Variants in ZFHX3 observed in about 807,000 individuals in gnomAD.
The protein encoded by ZFHX3 is zinc finger homeobox 3, also known as zinc finger homeobox protein 3.
In ZFHX3, 42 loss-of-function variants were observed where a neutral mutation model predicts 279.1. That is an observed-to-expected ratio of 0.15 (90% CI 0.12 to 0.19). ZFHX3 has a LOEUF of 0.19. Among genes scored for constraint, ZFHX3 ranks in the 10% least tolerant of loss-of-function variants. The pLI, the probability that ZFHX3 is intolerant of heterozygous loss-of-function variation, is 1.00. For missense variants in ZFHX3, 4,981 were observed against 4,754.0 expected, an observed-to-expected ratio of 1.05 and a Z score of -1.40; for synonymous variants, 2,293 against 1,957.8, an observed-to-expected ratio of 1.17 and a Z score of -4.52.
chr16:72,826,549 G>T (rs1287579366), intron 5 of ZFHX3, among the ~76,000 whole-genome samples: 1 of 152,066 alleles, frequency 6.6e-6, no homozygotes, highest in Non-Finnish European at 1.5e-5. Flanking sequence ...CTCAGAGGAG[G>T]TTGCTGGCAC....
Position 73,736,127 on chromosome 16 carries a change from C to T in ZFHX3, c.-1607-55887G>A, listed in dbSNP as rs534944979. On this transcript the variant is annotated intron_variant, in intron 1 of 17. Transcript: ENST00000641206. Reference sequence around the variant, plus strand: ...CATCTTTTCTTTCAGGTCACCATGACATTGAGGTCAGAAATGGTCAGAGAC... The same window carrying T: ...CATCTTTTCTTTCAGGTCACCATGATATTGAGGTCAGAAATGGTCAGAGAC... Among the ~76,000 whole-genome samples, 3 of 152,262 alleles carry T rather than the reference C, an allele frequency of 2.0e-5. No homozygotes were observed. The South Asian group carries it at 6.2e-4, about 32-fold the overall frequency.
chr16:73,557,165 A>G (rs2020299994), intron 2 of ZFHX3, among the ~76,000 whole-genome samples: 3 of 148,326 alleles, frequency 2.0e-5, no homozygotes, highest in Admixed American at 6.7e-5. Context: ...GACAGGCAGG[A>G]TGAATGAGGC....
intron 4 of ZFHX3, among the ~76,000 whole-genome samples, chr16:73,307,677 T>A (rs2015213939): frequency 6.6e-6 from 1 of 152,184 alleles, no homozygotes; most frequent in South Asian, 2.1e-4. Context: ...CTTGGCCAAC[T>A]TTCCTTCTCT....
At chr16:73,525,783 C>T (rs1250214511) in intron 2 of ZFHX3, among the ~76,000 whole-genome samples, 3 of 152,176 alleles carry the variant, frequency 2.0e-5, no homozygotes, top group Non-Finnish European at 4.4e-5. Flanking sequence ...CCCTTGCAAC[C>T]TTTTAATATT....
At chr16:72,808,672 GAGGAA>G (rs1280208026) in intron 7 of ZFHX3, among the ~76,000 whole-genome samples, 2 of 152,188 alleles carry the variant, frequency 1.3e-5, no homozygotes, top group Non-Finnish European at 2.9e-5. Flanking sequence ...GTGGAAAGAT[GAGGAA>G]CATAGAGGTT....
intron 2 of ZFHX3, among the ~76,000 whole-genome samples, chr16:73,530,769 C>T (rs539784701): frequency 1.3e-5 from 2 of 152,254 alleles, no homozygotes; most frequent in South Asian, 4.2e-4. Context: ...TGTTTGTGTG[C>T]TTATCTATAT....
intron 7 of ZFHX3, 44 bp downstream of exon 7, chr16:72,811,533 G>C (rs756648668): frequency 1.3e-6 from 2 of 1,504,302 alleles, no homozygotes; most frequent in South Asian, 1.3e-5. Flanking sequence ...CATCACCTTT[G>C]ACCCTGGAGA....
intron 5 of ZFHX3, among the ~76,000 whole-genome samples, chr16:73,146,431 G>GAA (rs199800717): frequency 6.4e-5 from 9 of 140,424 alleles, no homozygotes; most frequent in East Asian, 2.0e-4. Context: ...CATCTCAAAA[G>GAA]AAAAAAAAAA....
At chr16:73,143,765 G>A (rs1966853655) in exon 6 of ZFHX3, 2 of 1,305,456 alleles carry the variant, frequency 1.5e-6, no homozygotes, top group Non-Finnish European at 2.0e-6. Flanking sequence ...TCTAATTCCG[G>A]CAAAGCTGGA....
intron 3 of ZFHX3, among the ~76,000 whole-genome samples, chr16:72,921,069 C>CAA (rs57294537): frequency 0.076 from 1,792 of 23,526 alleles, 371 homozygotes; most frequent in African/African-American, 0.22. Flanking sequence ...CAGACCTTGT[C>CAA]AAAAAAAAAA....
intron 2 of ZFHX3, among the ~76,000 whole-genome samples, chr16:73,575,161 C>T (rs953751400): frequency 2.0e-5 from 3 of 152,178 alleles, no homozygotes; most frequent in Non-Finnish European, 2.9e-5. Flanking sequence ...CACCCCATAA[C>T]ATATTATGCA....
rs1967441319 is a variant in ZFHX3 at position 73,168,279 on chromosome 16, CGA to C, written c.-1103-24450_-1103-24449del. 1.7e-4 allele frequency among the ~76,000 whole-genome samples: 25 copies of C among 143,742 alleles called. 2 individuals carry two copies. Among genetic ancestry groups the C allele is most frequent in the African/African-American group, 5.3e-4 (20 of 38,068 alleles). The allele number at this position is 143,742 out of a possible 152,430, so 94.3% of individuals were successfully genotyped here. On this transcript the variant is annotated intron_variant, in intron 5 of 17. Coordinates refer to the ZFHX3 transcript ENST00000641206. Reference sequence around the variant, plus strand: ...TCTTTCTTTCTTTCTTTCTTTCTTTCGAGACAAAGTCTCACTCTGTCATCCAC... The same window carrying C: ...TCTTTCTTTCTTTCTTTCTTTCTTTCGACAAAGTCTCACTCTGTCATCCAC...
chr16:72,874,659 G>GA (rs1292297564), intron 4 of ZFHX3, among the ~76,000 whole-genome samples: 2 of 151,816 alleles, frequency 1.3e-5, no homozygotes, highest in East Asian at 3.9e-4. Flanking sequence ...AAGGAAAAAT[G>GA]AAACCTCTTT....
chr16:73,145,344 G>A (rs964225506), intron 5 of ZFHX3, among the ~76,000 whole-genome samples: 18 of 152,158 alleles, frequency 1.2e-4, no homozygotes, highest in African/African-American at 4.3e-4. Flanking sequence ...CCAATGTCAG[G>A]GTCAGAGGTC....
intron 2 of ZFHX3, among the ~76,000 whole-genome samples, chr16:73,516,306 A>G (rs1255517408): frequency 6.6e-6 from 1 of 152,180 alleles, no homozygotes; most frequent in African/African-American, 2.4e-5. Flanking sequence ...TGTCCATAGA[A>G]CTGTAGAGTT....
intron 4 of ZFHX3, among the ~76,000 whole-genome samples, chr16:73,305,900 G>A (rs560858987): frequency 2.6e-5 from 4 of 152,252 alleles, no homozygotes; most frequent in Admixed American, 6.5e-5. Context: ...CTCTGTGCAT[G>A]GAGAGCCACA....
At chr16:73,588,758 C>T in intron 2 of ZFHX3, among the ~76,000 whole-genome samples, 1 of 149,996 alleles carries the variant, frequency 6.7e-6, no homozygotes, top group Non-Finnish European at 1.5e-5. Context: ...TCAACACCCC[C>T]AAGGACATGC....
At chr16:72,813,056 C>T (rs1268945268) in intron 5 of ZFHX3, among the ~76,000 whole-genome samples, 3 of 152,192 alleles carry the variant, frequency 2.0e-5, no homozygotes, top group African/African-American at 4.8e-5. Context: ...CAAGGCTCCT[C>T]CAGCTTAAAC....
At chr16:73,271,494 G>A (rs2014144475) in intron 4 of ZFHX3, among the ~76,000 whole-genome samples, 9 of 152,188 alleles carry the variant, frequency 5.9e-5, no homozygotes, top group Admixed American at 5.9e-4. Context: ...CCACACTGCA[G>A]CCCCGCTTCT....
Sources: gnomAD v4.1 joint callset for allele counts (sites outside exome capture counted in the v4.1 genomes callset) on GRCh38, gnomAD v4.1.1 for gene constraint, MANE v1.5 for transcripts, NCBI Gene and HGNC (gene_info 2026-07-23, HGNC 2026-07-21) for gene names.